Variants in ANKS6 observed in about 807,000 individuals in gnomAD.
The protein encoded by ANKS6 is ankyrin repeat and sterile alpha motif domain containing 6, also known as ankyrin repeat and SAM domain-containing protein 6.
In ANKS6, 47 loss-of-function variants were observed where a neutral mutation model predicts 77.9. The observed-to-expected ratio is 0.60, with a 90% confidence interval of 0.48 to 0.77. The LOEUF (loss-of-function observed/expected upper bound fraction) is 0.77, where lower values mean the gene tolerates loss of function less well. Ranked by LOEUF, ANKS6 falls within the 30% of genes least tolerant of loss-of-function variation. ANKS6 has a pLI of 0.00. For synonymous variants in ANKS6, 488 were observed against 501.7 expected (o/e 0.97, Z 0.37); for missense variants, 1,150 against 1,159.1 (o/e 0.99, Z 0.11).
chr9:98,789,853 G>C (rs1393658980), intron 2 of ANKS6: 3 of 461,280 alleles, frequency 6.5e-6, no homozygotes, highest in Middle Eastern at 5.7e-4. Context: ...TGCTTGGGGA[G>C]AGCAGCCTTG....
intron 14 of ANKS6, among the ~76,000 whole-genome samples, chr9:98,744,143 T>G (rs1420191954): frequency 5.3e-5 from 8 of 152,124 alleles, no homozygotes. Flanking sequence ...ATGTTTAGAA[T>G]CCAGCCATTT....
At chr9:98,738,134 A>G (rs1831603275) in intron 14 of ANKS6, among the ~76,000 whole-genome samples, 1 of 152,260 alleles carries the variant, frequency 6.6e-6, no homozygotes, top group Non-Finnish European at 1.5e-5. Flanking sequence ...TAAAAATTCT[A>G]GAAGGTAACA....
At chr9:98,747,192 T>C (rs1832180273) in intron 13 of ANKS6, among the ~76,000 whole-genome samples, 1 of 152,254 alleles carries the variant, frequency 6.6e-6, no homozygotes, top group Admixed American at 6.5e-5. Flanking sequence ...AAAACTTGCA[T>C]AACTTCTTGA....
At chr9:98,775,273 A>G (rs1833865597) in intron 8 of ANKS6, among the ~76,000 whole-genome samples, 1 of 152,242 alleles carries the variant, frequency 6.6e-6, no homozygotes, top group Non-Finnish European at 1.5e-5. Flanking sequence ...ATTTCTAGGT[A>G]TTCATCCTGA....
At position 98,735,304 on chromosome 9, in the gene ANKS6, G is replaced by T; in HGVS notation, c.*1215C>A. On this transcript the variant is annotated 3_prime_UTR_variant, in exon 15 of 15. Coordinates refer to ENST00000353234, the MANE Select transcript of ANKS6 (RefSeq NM_173551.5). ...TCTATTTACAGGTGTTCTCTTGCCTGTCGAGAGCCTGAAGGCTCTGTATTG... is the reference window on the plus strand; with the variant it reads ...TCTATTTACAGGTGTTCTCTTGCCTTTCGAGAGCCTGAAGGCTCTGTATTG... 5 of 1,002,568 alleles carry T rather than the reference G, an allele frequency of 5.0e-6. No homozygotes were observed. The highest frequency in any genetic ancestry group is 5.9e-6 in the Non-Finnish European group (5 of 841,726). 62.1% of individuals were successfully genotyped at this position (1,002,568 alleles called of 1,614,324 possible).
At chr9:98,777,263 A>G (rs1196233996) in intron 8 of ANKS6, 142 bp downstream of exon 8, 8 of 879,350 alleles carry the variant, frequency 9.1e-6, no homozygotes, top group Non-Finnish European at 1.5e-5. Flanking sequence ...TGCCAGAGCT[A>G]AGCCCACTGT....
intron 2 of ANKS6, among the ~76,000 whole-genome samples, chr9:98,787,243 G>A (rs565678628): frequency 1.4e-4 from 22 of 152,058 alleles, no homozygotes; most frequent in Middle Eastern, 6.8e-3. Context: ...GATCCCCCAG[G>A]GCCAACACAC....
chr9:98,786,363 C>G (rs997946659), intron 2 of ANKS6, among the ~76,000 whole-genome samples: 1 of 150,194 alleles, frequency 6.7e-6, no homozygotes, highest in Non-Finnish European at 1.5e-5. Flanking sequence ...GAGATCTAGG[C>G]TCACTGCAAC....
At position 98,732,797 on chromosome 9, in the gene ANKS6, G is replaced by T. The variant is rs938697635; in HGVS notation, c.*3722C>A. 3.0e-6 allele frequency: 4 copies of T among 1,344,870 alleles called. No individual in the cohort carries two copies. Among genetic ancestry groups the T allele is most frequent in the Non-Finnish European group, 3.8e-6 (4 of 1,049,548 alleles). 83.3% of individuals were successfully genotyped at this position (1,344,870 alleles called of 1,614,324 possible). ...AGGTCTATGTCCAGTGCTCTTTCCA[G>T]GGTAACAGGTTGCTTCTACTCATTT... On this transcript the variant is annotated 3_prime_UTR_variant, in exon 15 of 15. Coordinates refer to ENST00000353234, the MANE Select transcript of ANKS6 (RefSeq NM_173551.5).
rs1171304879 is a variant in ANKS6, at chr9:98,790,551, C to T, written c.415G>A (p.Ala139Thr). ...LLLDHGADVN[A>T]QNRLGASVLT... is the part of the protein sequence containing the mutation. ...ACACTGGCCCCCAGCCGGTTCTGGG[C>T]ATTGACATCAGCCCCGTGATCCAAC... Residue 139 changes from alanine (A) to threonine (T), a missense_variant, in exon 2 of 15, where the codon GCC (alanine) becomes ACC (threonine). By Grantham distance (58) the Ala-to-Thr change is moderately conservative (BLOSUM62 0). Coordinates refer to ENST00000353234, the MANE Select transcript of ANKS6 (RefSeq NM_173551.5). The T allele has an allele frequency of 6.2e-7, 1 of 1,612,360 alleles. No individual in the cohort carries two copies. Among genetic ancestry groups the T allele is most frequent in the East Asian group, 2.2e-5 (1 of 44,826 alleles).
intron 2 of ANKS6, among the ~76,000 whole-genome samples, chr9:98,785,163 C>A (rs1482559771): frequency 1.3e-5 from 2 of 152,190 alleles, no homozygotes; most frequent in African/African-American, 2.4e-5. Flanking sequence ...GCAAAACAAA[C>A]GTTGGCATAT....
At chr9:98,741,514 G>T (rs1235346387) in intron 14 of ANKS6, among the ~76,000 whole-genome samples, 9 of 152,228 alleles carry the variant, frequency 5.9e-5, no homozygotes, top group Non-Finnish European at 1.5e-5. Context: ...TGATTGGATT[G>T]TGATTTCTTA....
At chr9:98,761,953 T>C (rs1314502888) in intron 11 of ANKS6, among the ~76,000 whole-genome samples, 2 of 152,168 alleles carry the variant, frequency 1.3e-5, no homozygotes, top group Non-Finnish European at 2.9e-5. Context: ...TGCTGGGATT[T>C]TGACTGGGAT....
intron 8 of ANKS6, among the ~76,000 whole-genome samples, chr9:98,775,405 C>G (rs2118064205): frequency 6.6e-6 from 1 of 152,324 alleles, no homozygotes; most frequent in South Asian, 2.1e-4. Flanking sequence ...AGACACGTTC[C>G]TACACTAGAA....
intron 11 of ANKS6, among the ~76,000 whole-genome samples, chr9:98,764,449 C>A (rs1833165526): frequency 6.6e-6 from 1 of 152,182 alleles, no homozygotes; most frequent in African/African-American, 2.4e-5. Context: ...TATTTCTTTA[C>A]ATATTCCTTC....
At chr9:98,758,677 T>C (rs1832846296) in intron 11 of ANKS6, among the ~76,000 whole-genome samples, 2 of 152,264 alleles carry the variant, frequency 1.3e-5, no homozygotes, top group Non-Finnish European at 2.9e-5. Context: ...TACTGATTCA[T>C]ACCGATACCT....
rs1831369749 is a variant in ANKS6 at position 98,734,309 on chromosome 9, A to C, written c.*2210T>G. 1.0e-6 allele frequency: 1 copy of C among 985,396 alleles called. No homozygotes were observed. The highest frequency in any genetic ancestry group is 4.7e-5 in the South Asian group (1 of 21,286). The allele number at this position is 985,396 out of a possible 1,614,324, so 61.0% of individuals were successfully genotyped here. A position where few individuals can be genotyped will look rare whatever the true frequency, so the allele number is the denominator to read the frequency against. Reference sequence around the variant, plus strand: ...CTGTCCAGGGTCATCCAATGAGTTCATGGAGGTCTACATTTGTGAAAAGGT... The same window carrying C: ...CTGTCCAGGGTCATCCAATGAGTTCCTGGAGGTCTACATTTGTGAAAAGGT... On this transcript the variant is annotated 3_prime_UTR_variant, in exon 15 of 15. Coordinates refer to ENST00000353234, the MANE Select transcript of ANKS6 (RefSeq NM_173551.5).
In ANKS6 at chr9:98,784,880, G is replaced by A; in HGVS notation, c.863-4C>T. ...TCAGGTCGCCTTTTCTCCTCATCTGGGTAAACAAAGATTTTTAAAGTTAAC... is the reference window on the plus strand; with the variant it reads ...TCAGGTCGCCTTTTCTCCTCATCTGAGTAAACAAAGATTTTTAAAGTTAAC... On this transcript the variant is annotated splice_polypyrimidine_tract_variant and splice_region_variant and intron_variant, in intron 2 of 14. Transcript: ENST00000353234. 6.2e-7 allele frequency: 1 copy of A among 1,612,554 alleles called. No homozygotes were observed. The highest frequency in any genetic ancestry group is 8.5e-7 in the Non-Finnish European group (1 of 1,179,474).
chr9:98,762,665 T>C (rs910425786), intron 11 of ANKS6, among the ~76,000 whole-genome samples: 2 of 152,176 alleles, frequency 1.3e-5, no homozygotes, highest in African/African-American at 4.8e-5. Flanking sequence ...AGTCTGTTCA[T>C]ACGGTGAAGG....
Sources: gnomAD v4.1 joint callset for allele counts (sites outside exome capture counted in the v4.1 genomes callset) on GRCh38, gnomAD v4.1.1 for gene constraint, MANE v1.5 for transcripts, NCBI Gene and HGNC (gene_info 2026-07-23, HGNC 2026-07-21) for gene names.